GSAP: variants seen among roughly 807,000 people sequenced by gnomAD.
GSAP encodes the protein gamma-secretase-activating protein.
GSAP carries 118 observed loss-of-function variants against 131.7 expected under a neutral mutation model. The ratio of observed to expected loss-of-function variants is 0.90; its 90% CI spans 0.77 to 1.04. GSAP has a LOEUF of 1.04. Among genes scored for constraint, GSAP ranks in the 50% least tolerant of loss-of-function variants. GSAP has a pLI of 0.00. For missense variants in GSAP, 1,019 were observed against 1,013.2 expected, an observed-to-expected ratio of 1.01 and a Z score of -0.08; for synonymous variants, 381 against 363.4, an observed-to-expected ratio of 1.05 and a Z score of -0.55.
chr7:77,377,237 T>A lies in GSAP; in HGVS notation c.681+49A>T, dbSNP rs879215625. The A allele has an allele frequency of 1.3e-5, 12 of 894,438 alleles. No homozygotes were observed. The Admixed American group carries it at 1.4e-4, about 10-fold the overall frequency. 55.4% of individuals were successfully genotyped at this position (894,438 alleles called of 1,614,324 possible). A position where few individuals can be genotyped will look rare whatever the true frequency, so the allele number is the denominator to read the frequency against. On this transcript the variant is annotated intron_variant, in intron 9 of 30. Coordinates refer to ENST00000257626, the MANE Select transcript of GSAP (RefSeq NM_017439.4). ...GTCTCTAAAAAAATTAATATTTTTG[T>A]AAAAAAAAAAAAAAAAAAAAAGGAG...
intron 1 of GSAP, among the ~76,000 whole-genome samples, chr7:77,408,617 C>T (rs952480508): frequency 2.1e-5 from 3 of 141,270 alleles, no homozygotes; most frequent in African/African-American, 8.0e-5. Flanking sequence ...AGGAGAATCA[C>T]TTGAACCCAG....
chr7:77,406,110 AATG>A lies in GSAP; in HGVS notation c.110-8_110-6del, dbSNP rs773073041. 2 of 1,267,268 alleles carry A rather than the reference AATG, an allele frequency of 1.6e-6. No individual in the cohort carries two copies. The highest frequency in any genetic ancestry group is 1.5e-5 in the South Asian group (1 of 65,226). The allele number at this position is 1,267,268 out of a possible 1,614,324, so 78.5% of individuals were successfully genotyped here. A position where few individuals can be genotyped will look rare whatever the true frequency, so the allele number is the denominator to read the frequency against. On this transcript the variant is annotated splice_polypyrimidine_tract_variant and splice_region_variant and intron_variant, in intron 1 of 30. Transcript: ENST00000257626. ...CATAATCGTTTTCTAAAACATCTGA[AATG>A]ATAATAGGAGGTTAATACTCAGCAG... is the stretch of plus-strand genomic sequence containing the variant.
chr7:77,338,509 G>A (rs1420993579), intron 19 of GSAP, among the ~76,000 whole-genome samples: 1 of 152,182 alleles, frequency 6.6e-6, no homozygotes, highest in Non-Finnish European at 1.5e-5. Context: ...TAAACTGGAT[G>A]GCTTATCAAC....
At chr7:77,379,208 G>C (rs1334687000) in intron 8 of GSAP, among the ~76,000 whole-genome samples, 8 of 151,966 alleles carry the variant, frequency 5.3e-5, no homozygotes, top group Non-Finnish European at 7.4e-5. Context: ...TCAGATTGTG[G>C]CATACCCAGG....
rs12669967 is a variant in GSAP at position 77,380,259 on chromosome 7, G to A, written c.576+1046C>T. Among the ~76,000 whole-genome samples the A allele has an allele frequency of 5.8e-3, 877 of 152,160 alleles. 19 individuals are homozygous for A. Among genetic ancestry groups the A allele is most frequent in the East Asian group, 0.048 (247 of 5,178 alleles). On this transcript the variant is annotated intron_variant, in intron 8 of 30. Transcript: ENST00000257626. ...TTTTAAAAGGTAAACATACCTTTTC[G>A]TGATATGAATTGAGGGAACATGTAC...
At chr7:77,327,157 G>A (rs1034278151) in intron 22 of GSAP, 2 of 152,184 alleles carry the variant, frequency 1.3e-5, no homozygotes, top group Non-Finnish European at 2.9e-5. Context: ...ATTCTTTATG[G>A]GGAACTAGTA....
intron 17 of GSAP, 44 bp from the exon 18 acceptor site, chr7:77,353,070 T>A: frequency 1.9e-6 from 2 of 1,076,008 alleles, no homozygotes; most frequent in Non-Finnish European, 2.9e-6. Context: ...AGATGTGGTT[T>A]AATAAGATGA....
chr7:77,336,700 C>G (rs1790031674), intron 19 of GSAP, among the ~76,000 whole-genome samples: 1 of 152,148 alleles, frequency 6.6e-6, no homozygotes, highest in African/African-American at 2.4e-5. Context: ...GTTGGCCAAG[C>G]TAGTCTCGAA....
intron 19 of GSAP, among the ~76,000 whole-genome samples, chr7:77,333,028 G>A (rs535969327): frequency 3.4e-4 from 52 of 152,238 alleles, no homozygotes; most frequent in African/African-American, 1.1e-3. Flanking sequence ...TTAGCTGGGC[G>A]TGGTCGCATG....
At position 77,312,110 on chromosome 7, in the gene GSAP, A is replaced by ATAGTTC. The variant is rs773631870; in HGVS notation, c.2358_2363dup (p.Asn787_Tyr788insTer). On this transcript the variant is annotated stop_gained, in exon 29 of 31. Coordinates refer to ENST00000257626, the MANE Select transcript of GSAP (RefSeq NM_017439.4). LOFTEE classifies it high-confidence loss of function. ...TTTCAGAGAAACTCACCTGTTTCTTATAGTTCTGAAGCAGTCGCGTCACGT... is the reference window on the plus strand; with the variant it reads ...TTTCAGAGAAACTCACCTGTTTCTTATAGTTCTAGTTCTGAAGCAGTCGCGTCACGT... The ATAGTTC allele has an allele frequency of 6.3e-7, 1 of 1,587,054 alleles. No individual in the cohort carries two copies. Among genetic ancestry groups the ATAGTTC allele is most frequent in the Non-Finnish European group, 8.6e-7 (1 of 1,164,890 alleles).
intron 6 of GSAP, 32 bp downstream of exon 6, chr7:77,387,328 T>G: frequency 2.1e-5 from 22 of 1,071,446 alleles, no homozygotes; most frequent in Non-Finnish European, 2.9e-5. Context: ...TTTTGATTAA[T>G]GAGATAAGTG....
chr7:77,416,171 C>T, intron 1 of GSAP, 42 bp downstream of exon 1: 1 of 1,138,038 alleles, frequency 8.8e-7, no homozygotes, highest in Non-Finnish European at 1.2e-6. Flanking sequence ...GAGGGACTCC[C>T]ACTCCCCGCC....
At chr7:77,408,598 G>A (rs1339399870) in intron 1 of GSAP, among the ~76,000 whole-genome samples, 1 of 150,150 alleles carries the variant, frequency 6.7e-6, no homozygotes, top group Non-Finnish European at 1.5e-5. Flanking sequence ...CTACTCAGGA[G>A]GCTGAGACAG....
At position 77,416,195 on chromosome 7, in the gene GSAP, G is replaced by A. The variant is rs1426131212; in HGVS notation, c.109+18C>T. On this transcript the variant is annotated intron_variant, in intron 1 of 30. Coordinates refer to ENST00000257626, the MANE Select transcript of GSAP (RefSeq NM_017439.4). ...CCACTCCCCGCCCCCACCCCTCTCC[G>A]CAGCGCGCCTCCCGCACCTGCGCCG... 3 of 457,078 alleles carry A rather than the reference G, an allele frequency of 6.6e-6. No homozygotes were observed. The highest frequency in any genetic ancestry group is 5.7e-5 in the Admixed American group (1 of 17,640). The allele number at this position is 457,078 out of a possible 1,614,324, so 28.3% of individuals were successfully genotyped here.
At chr7:77,372,399 CAT>C (rs575817332) in intron 12 of GSAP, among the ~76,000 whole-genome samples, 89 of 152,250 alleles carry the variant, frequency 5.8e-4, no homozygotes, top group African/African-American at 2.0e-3. Flanking sequence ...TATATACACA[CAT>C]GACGTTTTTC....
intron 26 of GSAP, among the ~76,000 whole-genome samples, chr7:77,317,495 G>A (rs1312326165): frequency 1.3e-5 from 2 of 152,138 alleles, no homozygotes; most frequent in African/African-American, 4.8e-5. Context: ...CCTGCACGTT[G>A]TGCACATGTA....
chr7:77,326,231 T>A lies in GSAP; in HGVS notation c.1808A>T (p.Gln603Leu), dbSNP rs1178574992. Reference protein sequence around the residue: ...TPLLQEEDSHQRLLMGLMVSE... With the variant: ...TPLLQEEDSHLRLLMGLMVSE... The stretch of plus-strand genomic sequence containing the variant: ...ACTTACCAGCCCCATGAGCAGCCGC[T>A]GGTGGCTGTCTTCCTCCTGCAGGAG... Residue 603 changes from glutamine to leucine, a missense_variant, in exon 23 of 31, where the codon CAG becomes CTG. Transcript: ENST00000257626. 6.2e-7 allele frequency: 1 copy of A among 1,613,212 alleles called. No homozygotes were observed.
At chr7:77,405,584 C>A (rs1348127274) in intron 2 of GSAP, among the ~76,000 whole-genome samples, 2 of 152,170 alleles carry the variant, frequency 1.3e-5, no homozygotes, top group African/African-American at 4.8e-5. Context: ...GTCACCCAGA[C>A]TGGAGTGCAG....
intron 19 of GSAP, among the ~76,000 whole-genome samples, chr7:77,331,448 G>C (rs937727223): frequency 6.6e-6 from 1 of 152,232 alleles, no homozygotes; most frequent in Admixed American, 6.5e-5. Context: ...GAGATGTAAT[G>C]TGTGGTCATA....
Sources: gnomAD v4.1 joint callset for allele counts (sites outside exome capture counted in the v4.1 genomes callset) on GRCh38, gnomAD v4.1.1 for gene constraint, MANE v1.5 for transcripts, NCBI Gene and HGNC (gene_info 2026-07-23, HGNC 2026-07-21) for gene names.